Variants in CYP20A1 observed in about 807,000 individuals in gnomAD.
CYP20A1 encodes the protein cytochrome P450 20A1.
Under a neutral mutation model 61.4 loss-of-function variants are expected in CYP20A1, and 61 were observed. The ratio of observed to expected loss-of-function variants is 0.99; its 90% CI spans 0.81 to 1.23. The LOEUF (loss-of-function observed/expected upper bound fraction) is 1.23, where lower values mean the gene tolerates loss of function less well. Among genes scored for constraint, CYP20A1 ranks in the 50% most tolerant of loss-of-function variants. The pLI is 0.00. For synonymous variants in CYP20A1, 193 were observed against 188.2 expected (o/e 1.03, Z -0.21); for missense variants, 530 against 542.4 (o/e 0.98, Z 0.23).
chr2:203,270,009 T>C (rs538597714), intron 5 of CYP20A1, among the ~76,000 whole-genome samples: 1 of 151,882 alleles, frequency 6.6e-6, no homozygotes, highest in Non-Finnish European at 1.5e-5. Flanking sequence ...CCTTGCACTT[T>C]GGGAAGCTAA....
At chr2:203,290,339 T>C (rs1174014716) in intron 10 of CYP20A1, among the ~76,000 whole-genome samples, 1 of 152,198 alleles carries the variant, frequency 6.6e-6, no homozygotes, top group Non-Finnish European at 1.5e-5. Flanking sequence ...ATGTGCTTGT[T>C]TTAAAGTTCA....
intron 3 of CYP20A1, among the ~76,000 whole-genome samples, chr2:203,251,084 A>AG (rs1339798571): frequency 2.0e-5 from 3 of 148,112 alleles, no homozygotes; most frequent in Non-Finnish European, 3.0e-5. Context: ...AAAAAAAAAA[A>AG]AGAGATGATA....
intron 7 of CYP20A1, 68 bp downstream of exon 7, chr2:203,278,756 T>C (rs1254270637): frequency 2.5e-6 from 2 of 802,562 alleles, no homozygotes; most frequent in African/African-American, 1.8e-5. Context: ...GGCTCATGAC[T>C]GTAGTCCCAG....
In CYP20A1 at chr2:203,298,294, G is replaced by C. The variant is rs1405388552; in HGVS notation, c.*1386G>C. The C allele has an allele frequency of 5.5e-6, 1 of 182,484 alleles. No homozygotes were observed. The highest frequency in any genetic ancestry group is 2.4e-5 in the African/African-American group (1 of 42,156). 11.3% of individuals were successfully genotyped at this position (182,484 alleles called of 1,614,324 possible). A position where few individuals can be genotyped will look rare whatever the true frequency, so the allele number is the denominator to read the frequency against. On this transcript the variant is annotated 3_prime_UTR_variant, in exon 13 of 13. Transcript: ENST00000356079. Reference sequence around the variant, plus strand: ...TCCCAGCTGTTCTGAAGGCTGAGGTGGGAGGATCACTTGAGACCAGGAGAG... The same window carrying C: ...TCCCAGCTGTTCTGAAGGCTGAGGTCGGAGGATCACTTGAGACCAGGAGAG...
At chr2:203,255,219 T>G (rs2066851512) in intron 4 of CYP20A1, among the ~76,000 whole-genome samples, 1 of 152,172 alleles carries the variant, frequency 6.6e-6, no homozygotes, top group Non-Finnish European at 1.5e-5. Flanking sequence ...CTTGGCAGTC[T>G]GATGAAACCT....
At chr2:203,275,263 T>G (rs2067767425) in intron 6 of CYP20A1, among the ~76,000 whole-genome samples, 1 of 152,192 alleles carries the variant, frequency 6.6e-6, no homozygotes, top group South Asian at 2.1e-4. Context: ...ACATTGAATC[T>G]TTTTAAAAAT....
intron 6 of CYP20A1, among the ~76,000 whole-genome samples, chr2:203,273,232 A>G (rs1302366075): frequency 6.6e-6 from 1 of 152,188 alleles, no homozygotes; most frequent in African/African-American, 2.4e-5. Flanking sequence ...TAAGTTAGTA[A>G]AAGAAACTCT....
chr2:203,255,621 C>T (rs879712353), intron 4 of CYP20A1, among the ~76,000 whole-genome samples: 2 of 152,184 alleles, frequency 1.3e-5, no homozygotes, highest in African/African-American at 4.8e-5. Context: ...TATCTGTGGA[C>T]TCTAGTTTGA....
In CYP20A1 at chr2:203,265,745, C is replaced by T. The variant is rs111513982; in HGVS notation, c.433-769C>T. Among the ~76,000 whole-genome samples, 113 of 152,224 alleles carry T rather than the reference C, an allele frequency of 7.4e-4. 2 individuals carry two copies. Among genetic ancestry groups the T allele is most frequent in the Middle Eastern group, 3.4e-3 (1 of 294 alleles). ...TCGCTCTTTCACCCAGGCTGGAGTG[C>T]GGTGGCATGATCTTGGCTCATTGCA... On this transcript the variant is annotated intron_variant, in intron 4 of 12. Transcript: ENST00000356079.
intron 10 of CYP20A1, among the ~76,000 whole-genome samples, chr2:203,290,943 A>G (rs550525741): frequency 4.7e-4 from 71 of 152,286 alleles, no homozygotes; most frequent in Non-Finnish European, 2.2e-4. Flanking sequence ...ATGCCCATCT[A>G]GCATAATTTA....
Position 203,289,791 on chromosome 2 carries a change from C to T in CYP20A1, c.998C>T (p.Thr333Ile). Reference protein sequence around the residue: ...LRYCQHVLCETVRTAKLTPVS... With the variant: ...LRYCQHVLCEIVRTAKLTPVS... ...TATTGTCAGCATGTGCTTTGTGAAA[C>T]TGTTCGAACTGCCAAACTGACTCCA... Residue 333 changes from threonine (T) to isoleucine (I), a missense_variant, in exon 10 of 13, where the codon ACT (threonine) becomes ATT (isoleucine). Physicochemically the swap from Thr to Ile is moderately conservative, Grantham distance 89. Transcript: ENST00000356079. 1 of 1,583,138 alleles carries T rather than the reference C, an allele frequency of 6.3e-7. No homozygotes were observed. Among genetic ancestry groups the T allele is most frequent in the African/African-American group, 1.4e-5 (1 of 73,940 alleles).
intron 9 of CYP20A1, among the ~76,000 whole-genome samples, chr2:203,288,064 T>TCTC (rs1412180291): frequency 1.3e-5 from 1 of 77,824 alleles, no homozygotes; most frequent in Non-Finnish European, 2.6e-5. Context: ...TCTCTCTCTT[T>TCTC]TTTTTTTTTT....
chr2:203,258,830 A>G (rs992041472), intron 4 of CYP20A1, among the ~76,000 whole-genome samples: 2 of 152,142 alleles, frequency 1.3e-5, no homozygotes, highest in African/African-American at 4.8e-5. Context: ...CCCTGGAGGC[A>G]GTTATGTTGC....
At chr2:203,272,515 A>G (rs1416460505) in intron 5 of CYP20A1, 155 bp from the exon 6 acceptor site, 1 of 367,296 alleles carries the variant, frequency 2.7e-6, no homozygotes, top group Non-Finnish European at 4.7e-6. Context: ...GCAATCCAGC[A>G]CTCTAGCCTA....
At chr2:203,256,201 T>A (rs2066888610) in intron 4 of CYP20A1, among the ~76,000 whole-genome samples, 1 of 152,062 alleles carries the variant, frequency 6.6e-6, no homozygotes, top group Admixed American at 6.6e-5. Flanking sequence ...ACTCGTGGCC[T>A]CAAGTGTTCC....
At chr2:203,277,903 G>A (rs2067889444) in intron 6 of CYP20A1, among the ~76,000 whole-genome samples, 1 of 152,166 alleles carries the variant, frequency 6.6e-6, no homozygotes, top group Non-Finnish European at 1.5e-5. Flanking sequence ...GAGAAGGAAT[G>A]GAGTTAAGAA....
At chr2:203,270,840 A>G (rs1420773321) in intron 5 of CYP20A1, among the ~76,000 whole-genome samples, 1 of 145,298 alleles carries the variant, frequency 6.9e-6, no homozygotes, top group African/African-American at 2.5e-5. Context: ...AGTAGCTGGG[A>G]CCACAGATGC....
chr2:203,261,605 TAAAAAAAAA>T (rs36092540), intron 4 of CYP20A1, among the ~76,000 whole-genome samples: 1 of 74,362 alleles, frequency 1.3e-5, no homozygotes, highest in Non-Finnish European at 2.4e-5. Context: ...CTTTGTCACC[TAAAAAAAAA>T]AAAAAAAAAA....
In CYP20A1 at chr2:203,304,660, G is replaced by T. The variant is rs1157932671; in HGVS notation, c.*7752G>T. ...TAAATTTTAAACATTTTCCAGCTGG[G>T]TGTGGTGGCTCATGCCTGTAATCCC... On this transcript the variant is annotated 3_prime_UTR_variant, in exon 13 of 13. Transcript: ENST00000356079. Among the ~76,000 whole-genome samples, 4 of 152,150 alleles carry T rather than the reference G, an allele frequency of 2.6e-5. No homozygotes were observed. Among genetic ancestry groups the T allele is most frequent in the African/African-American group, 7.2e-5 (3 of 41,428 alleles).
Sources: allele counts gnomAD v4.1 joint callset (sites outside exome capture counted in the v4.1 genomes callset), GRCh38; gene constraint gnomAD v4.1.1; transcripts MANE v1.5; gene names NCBI Gene and HGNC (gene_info 2026-07-23, HGNC 2026-07-21).